ALK: variants seen among roughly 807,000 people sequenced by gnomAD.
ALK encodes ALK tyrosine kinase receptor.
In ALK, 74 loss-of-function variants were observed where a neutral mutation model predicts 163.1. The ratio of observed to expected loss-of-function variants is 0.45; its 90% confidence interval spans 0.38 to 0.55. ALK has a LOEUF of 0.55. Among genes scored for constraint, ALK ranks in the 20% least tolerant of loss-of-function variants. ALK has a pLI of 0.00. For missense variants in ALK, 2,063 were observed against 2,105.3 expected, an observed-to-expected ratio of 0.98 and a Z score of 0.39; for synonymous variants, 960 against 843.2, an observed-to-expected ratio of 1.14 and a Z score of -2.40.
chr2:29,754,971 G>A (rs2148333227), intron 1 of ALK, among the ~76,000 whole-genome samples: 1 of 152,266 alleles, frequency 6.6e-6, no homozygotes, highest in East Asian at 1.9e-4. Flanking sequence ...CAGATGGGAA[G>A]CCTCTTCTGG....
intron 9 of ALK, among the ~76,000 whole-genome samples, chr2:29,285,133 G>T (rs1487912203): frequency 1.3e-5 from 2 of 152,206 alleles, no homozygotes; most frequent in Non-Finnish European, 2.9e-5. Context: ...CTTTCTTCAC[G>T]CTTTCTGAGC....
rs1009496053 is a variant in ALK, at chr2:29,214,076, C to T, written c.3651G>A (p.Gln1217=). 1 of 1,613,876 alleles carries T rather than the reference C, an allele frequency of 6.2e-7. No individual in the cohort carries two copies. Among genetic ancestry groups the T allele is most frequent in the Admixed American group, 1.7e-5 (1 of 59,994 alleles). ...GGTCCAGCATGGCCAGGGAGGAGGG[C>T]TGGCTCTGTGGGGAGACAGAAGCGG... The part of the protein sequence containing the change: ...FLRETRPRPS[Q]PSSLAMLDLL... Residue 1217 remains glutamine, a synonymous_variant, in exon 24 of 29, where the codon CAG becomes CAA. Transcript: ENST00000389048.
chr2:29,217,512 C>T (rs372877307), intron 23 of ALK, among the ~76,000 whole-genome samples: 8 of 151,448 alleles, frequency 5.3e-5, no homozygotes, highest in African/African-American at 2.0e-4. Context: ...CCATGCATTT[C>T]GTTTCCACAA....
chr2:29,892,949 C>A (rs1667181517), intron 1 of ALK, among the ~76,000 whole-genome samples: 1 of 152,132 alleles, frequency 6.6e-6, no homozygotes, highest in African/African-American at 2.4e-5. Flanking sequence ...TTGGTCAATT[C>A]CATTGTGCCC....
At chr2:29,419,985 C>T (rs191667887) in intron 4 of ALK, among the ~76,000 whole-genome samples, 10 of 150,972 alleles carry the variant, frequency 6.6e-5, no homozygotes, top group Admixed American at 3.3e-4. Flanking sequence ...ATGGCAAAAC[C>T]CTGCCTATAC....
chr2:29,851,382 TC>T (rs1341607314), intron 1 of ALK, among the ~76,000 whole-genome samples: 2 of 152,184 alleles, frequency 1.3e-5, no homozygotes, highest in Non-Finnish European at 2.9e-5. Flanking sequence ...TTTCAATTTC[TC>T]AAAAAGATGA....
intron 26 of ALK, among the ~76,000 whole-genome samples, 162 bp from the exon 27 acceptor site, chr2:29,197,838 G>T (rs574086179): frequency 8.6e-5 from 13 of 151,958 alleles, no homozygotes; most frequent in Non-Finnish European, 1.5e-4. Context: ...TAAAAAATAA[G>T]AAAATACTAC....
chr2:29,440,511 T>G (rs1037016206), intron 4 of ALK, among the ~76,000 whole-genome samples: 2 of 152,060 alleles, frequency 1.3e-5, no homozygotes, highest in Non-Finnish European at 2.9e-5. Context: ...GAGACAGGGT[T>G]TCACCATGTT....
chr2:29,331,107 T>C (rs769684036), intron 5 of ALK, among the ~76,000 whole-genome samples: 2 of 152,178 alleles, frequency 1.3e-5, no homozygotes, highest in South Asian at 2.1e-4. Flanking sequence ...CACTTCTCAG[T>C]GCTCTAATTT....
chr2:29,908,977 C>A (rs1280129890), intron 1 of ALK, among the ~76,000 whole-genome samples: 2 of 152,174 alleles, frequency 1.3e-5, no homozygotes, highest in Non-Finnish European at 2.9e-5. Flanking sequence ...AATAAATAAG[C>A]ATTTCCTCAG....
intron 3 of ALK, among the ~76,000 whole-genome samples, chr2:29,599,437 T>C (rs1675314993): frequency 6.6e-6 from 1 of 152,208 alleles, no homozygotes; most frequent in African/African-American, 2.4e-5. Flanking sequence ...CGTGGAGTCA[T>C]ATTTAAGGAA....
At chr2:29,477,855 G>C (rs1671564920) in intron 4 of ALK, among the ~76,000 whole-genome samples, 1 of 152,220 alleles carries the variant, frequency 6.6e-6, no homozygotes, top group Admixed American at 6.5e-5. Flanking sequence ...AGCTGAATGT[G>C]AATGTGATTT....
intron 1 of ALK, among the ~76,000 whole-genome samples, chr2:29,885,687 A>T (rs1047792113): frequency 6.6e-6 from 1 of 152,188 alleles, no homozygotes; most frequent in Non-Finnish European, 1.5e-5. Context: ...AGTGCCTCCA[A>T]ACCAGTGCCA....
chr2:29,371,566 C>T (rs889314758), intron 5 of ALK, among the ~76,000 whole-genome samples: 5 of 152,354 alleles, frequency 3.3e-5, no homozygotes, highest in Admixed American at 2.6e-4. Flanking sequence ...ACAAACAAAA[C>T]AAATCAACAG....
At chr2:29,546,061 T>C (rs139206618) in intron 3 of ALK, among the ~76,000 whole-genome samples, 5 of 152,286 alleles carry the variant, frequency 3.3e-5, no homozygotes, top group Non-Finnish European at 5.9e-5. Context: ...TGTACATCAA[T>C]AGATGGATAC....
intron 1 of ALK, among the ~76,000 whole-genome samples, chr2:29,756,099 C>T (rs1402209044): frequency 6.6e-6 from 1 of 152,206 alleles, no homozygotes; most frequent in East Asian, 1.9e-4. Flanking sequence ...GGGCTCCCTG[C>T]ACTCCTTTAT....
chr2:29,435,868 A>G (rs1670383454), intron 4 of ALK, among the ~76,000 whole-genome samples: 1 of 152,138 alleles, frequency 6.6e-6, no homozygotes, highest in Non-Finnish European at 1.5e-5. Context: ...ATTTTTCTGT[A>G]TAAGACATGG....
chr2:29,367,506 C>CA (rs1163717078), intron 5 of ALK, among the ~76,000 whole-genome samples: 1 of 152,170 alleles, frequency 6.6e-6, no homozygotes, highest in East Asian at 1.9e-4. Flanking sequence ...TTCAACAGTA[C>CA]AAAATTGTAT....
chr2:29,383,175 C>T (rs1458386020), intron 5 of ALK, among the ~76,000 whole-genome samples: 1 of 152,162 alleles, frequency 6.6e-6, no homozygotes, highest in Non-Finnish European at 1.5e-5. Flanking sequence ...TCTCCACCCT[C>T]CGTTAGGCCC....
Sources: gnomAD v4.1 joint callset for allele counts (sites outside exome capture counted in the v4.1 genomes callset) on GRCh38, gnomAD v4.1.1 for gene constraint, MANE v1.5 for transcripts, NCBI Gene and HGNC (gene_info 2026-07-23, HGNC 2026-07-21) for gene names.